SYN3: variants seen among roughly 807,000 people sequenced by gnomAD.
SYN3 encodes the protein synapsin-3.
SYN3 carries 35 observed loss-of-function variants against 65.8 expected under a neutral mutation model. The observed-to-expected ratio is 0.53, with a 90% CI of 0.41 to 0.70. SYN3 has a LOEUF of 0.70. SYN3 is among the 30% of genes least tolerant of loss of function. The probability of loss-of-function intolerance (pLI) is 0.00; values close to 1 mark genes in which losing one functional copy is unlikely to be tolerated. For missense variants in SYN3, 680 were observed against 749.0 expected (o/e 0.91, Z 1.08); for synonymous variants, 270 against 292.9 (o/e 0.92, Z 0.80).
intron 4 of SYN3, among the ~76,000 whole-genome samples, chr22:32,925,227 T>C (rs1345540745): frequency 6.6e-6 from 1 of 152,186 alleles, no homozygotes; most frequent in Non-Finnish European, 1.5e-5. Context: ...GCTTCCAACA[T>C]CACAGGGTGT....
intron 6 of SYN3, among the ~76,000 whole-genome samples, chr22:32,816,379 G>A (rs1352381334): frequency 6.6e-6 from 1 of 152,104 alleles, no homozygotes; most frequent in African/African-American, 2.4e-5. Flanking sequence ...ACTGAAAATG[G>A]GTCATTGGGT....
intron 4 of SYN3, among the ~76,000 whole-genome samples, chr22:32,919,690 A>G (rs13053593): frequency 0.041 from 6,276 of 152,274 alleles, 200 homozygotes; most frequent in Non-Finnish European, 0.057. Context: ...CTGGGCAATT[A>G]TGTATGAAAT....
At chr22:32,896,160 A>G (rs1429629079) in intron 4 of SYN3, among the ~76,000 whole-genome samples, 1 of 152,214 alleles carries the variant, frequency 6.6e-6, no homozygotes, top group African/African-American at 2.4e-5. Context: ...TGAAAACAGA[A>G]TCATTTAACT....
intron 6 of SYN3, among the ~76,000 whole-genome samples, chr22:32,743,559 G>C (rs142154279): frequency 4.8e-4 from 73 of 152,302 alleles, no homozygotes; most frequent in Admixed American, 8.5e-4. Flanking sequence ...TGCTTGGGAA[G>C]AGGTAAGTCT....
At chr22:32,792,631 G>C (rs28418887) in intron 6 of SYN3, among the ~76,000 whole-genome samples, 6 of 152,158 alleles carry the variant, frequency 3.9e-5, no homozygotes, top group Non-Finnish European at 1.5e-5. Flanking sequence ...CGCACCCCTA[G>C]AAATTGCCTG....
chr22:32,780,050 CAG>C (rs1296062154), intron 6 of SYN3, among the ~76,000 whole-genome samples: 2 of 68,390 alleles, frequency 2.9e-5, no homozygotes, highest in East Asian at 5.8e-4. Flanking sequence ...GCCTGGGTGA[CAG>C]AGTGAGATTC....
intron 1 of SYN3, among the ~76,000 whole-genome samples, chr22:33,052,098 A>G (rs5998711): frequency 0.1 from 15,165 of 152,076 alleles, 984 homozygotes; most frequent in East Asian, 0.27. Context: ...GCCCAAGCTC[A>G]TATCACAAGT....
intron 6 of SYN3, among the ~76,000 whole-genome samples, chr22:32,707,876 C>T (rs1010617506): frequency 2.0e-5 from 3 of 152,170 alleles, no homozygotes; most frequent in African/African-American, 7.2e-5. Context: ...GCCTCTGTCT[C>T]CTCAACTGCA....
chr22:32,702,334 C>T (rs540009787), intron 6 of SYN3, among the ~76,000 whole-genome samples: 8 of 152,024 alleles, frequency 5.3e-5, no homozygotes, highest in South Asian at 2.1e-4. Flanking sequence ...AAAAATTAGC[C>T]GGGCGTGGTG....
At chr22:32,883,312 G>A (rs1485715798) in intron 4 of SYN3, among the ~76,000 whole-genome samples, 2 of 152,172 alleles carry the variant, frequency 1.3e-5, no homozygotes, top group Non-Finnish European at 2.9e-5. Flanking sequence ...CAGGAAACTG[G>A]GAACCTCTTA....
chr22:32,531,057 C>T (rs771913925), intron 10 of SYN3, among the ~76,000 whole-genome samples: 3 of 146,316 alleles, frequency 2.1e-5, no homozygotes, highest in African/African-American at 5.1e-5. Flanking sequence ...CTGTGGAACG[C>T]GTTTCCCTCC....
intron 6 of SYN3, chr22:32,802,147 G>T: frequency 6.4e-7 from 1 of 1,570,942 alleles, no homozygotes; most frequent in East Asian, 2.3e-5. Flanking sequence ...TGCCCCGCCC[G>T]AGCCCCACGC....
intron 2 of SYN3, among the ~76,000 whole-genome samples, chr22:32,987,306 T>C (rs1244736161): frequency 1.3e-5 from 2 of 151,992 alleles, no homozygotes; most frequent in African/African-American, 2.4e-5. Flanking sequence ...GTGCAGAAAA[T>C]GAAGGCAAAA....
chr22:32,809,392 C>G (rs1479706097), intron 6 of SYN3, among the ~76,000 whole-genome samples: 1 of 152,188 alleles, frequency 6.6e-6, no homozygotes, highest in African/African-American at 2.4e-5. Context: ...TTTTCTTCCT[C>G]TCCAGACATG....
chr22:32,736,091 C>T (rs979299609), intron 6 of SYN3, among the ~76,000 whole-genome samples: 2 of 152,168 alleles, frequency 1.3e-5, no homozygotes, highest in East Asian at 1.9e-4. Flanking sequence ...ATTTTAAAAT[C>T]GACTTTACTG....
At chr22:33,028,643 ATGGTGGTGGTGGTGGTGGTGG>A (rs133971) in intron 1 of SYN3, among the ~76,000 whole-genome samples, 1,862 of 93,136 alleles carry the variant, frequency 0.02, 59 homozygotes, top group African/African-American at 0.065. Context: ...AAGAACCATG[ATGGTGGTGGTGGTGGTGGTGG>A]TGGTGGTGGT....
Position 32,509,926 on chromosome 22 carries a change from GAT to G in SYN3, c.*3764_*3765del, listed in dbSNP as rs372952632. Among the ~76,000 whole-genome samples the G allele has an allele frequency of 4.6e-5, 7 of 152,112 alleles. No individual in the cohort carries two copies. Among genetic ancestry groups the G allele is most frequent in the African/African-American group, 1.4e-4 (6 of 41,426 alleles). ...AAACTAGTGTTATGTCATGGATCTG[GAT>G]ATATGAGTATGGTTATAAAAATCAG... On this transcript the variant is annotated 3_prime_UTR_variant, in exon 14 of 14. Transcript: ENST00000358763.
intron 3 of SYN3, among the ~76,000 whole-genome samples, chr22:32,938,395 T>C (rs2050834738): frequency 6.6e-6 from 1 of 151,244 alleles, no homozygotes; most frequent in Admixed American, 6.6e-5. Context: ...CCAGGCGTGG[T>C]GGCGGGTGTC....
chr22:32,612,839 C>CTAAA lies in SYN3; in HGVS notation c.712-16107_712-16104dup, dbSNP rs564903924. On this transcript the variant is annotated intron_variant, in intron 6 of 13. Coordinates refer to ENST00000358763, the MANE Select transcript of SYN3 (RefSeq NM_003490.4). The stretch of plus-strand genomic sequence containing the variant: ...GGGTGACAAAGTGAGACCCTGTGTC[C>CTAAA]TAAATAAATAAATAAATAAATAAAT... Among the ~76,000 whole-genome samples the CTAAA allele has an allele frequency of 6.1e-3, 930 of 151,884 alleles. 10 individuals carry two copies. Among genetic ancestry groups the CTAAA allele is most frequent in the South Asian group, 0.048 (228 of 4,790 alleles).
Sources: gnomAD v4.1 joint callset for allele counts (sites outside exome capture counted in the v4.1 genomes callset) on GRCh38, gnomAD v4.1.1 for gene constraint, MANE v1.5 for transcripts, NCBI Gene and HGNC (gene_info 2026-07-23, HGNC 2026-07-21) for gene names.